The following TMEM263 variants were observed in gnomAD, a reference collection of about 807,000 sequenced individuals.
TMEM263 encodes transmembrane protein 263, also known as UPF0444 transmembrane protein C12orf23.
In TMEM263, 5 loss-of-function variants were observed where a neutral mutation model predicts 8.6. The observed-to-expected ratio is 0.58, with a 90% CI of 0.31 to 1.23. The LOEUF (loss-of-function observed/expected upper bound fraction) is 1.23. Ranked by LOEUF, TMEM263 falls within the 50% of genes most tolerant of loss-of-function variation. TMEM263 has a pLI of 0.07. For missense variants in TMEM263, 104 were observed against 138.8 expected (o/e 0.75, Z 1.26); for synonymous variants, 50 against 47.9 (o/e 1.04, Z -0.18).
chr12:106,968,571 G>C (rs973914399), intron 3 of TMEM263, among the ~76,000 whole-genome samples: 7 of 152,106 alleles, frequency 4.6e-5, no homozygotes, highest in African/African-American at 1.7e-4. Flanking sequence ...ATAAATAAAG[G>C]CCATCCAGGG....
chr12:106,971,171 G>A lies in TMEM263; in HGVS notation c.131G>A (p.Ser44Asn). ...TCCCGTGTGACTGGGGGTATCTTCAGTGTTACAAAGGGAGCTGTTGGTGCC... is the reference window on the plus strand; with the variant it reads ...TCCCGTGTGACTGGGGGTATCTTCAATGTTACAAAGGGAGCTGTTGGTGCC... ...MLSRVTGGIF[S>N]VTKGAVGATI... The change falls in exon 4 of 4, where the codon AGT becomes AAT. Residue 44 changes from serine (S) to asparagine (N), a missense_variant. By Grantham distance (46) the Ser-to-Asn change is conservative. Coordinates refer to ENST00000280756, the MANE Select transcript of TMEM263 (RefSeq NM_152261.4). 2 of 1,614,232 alleles carry A rather than the reference G, an allele frequency of 1.2e-6. No individual in the cohort carries two copies. Among genetic ancestry groups the A allele is most frequent in the Non-Finnish European group, 1.7e-6 (2 of 1,180,046 alleles).
intron 2 of TMEM263, among the ~76,000 whole-genome samples, chr12:106,963,589 ATC>A (rs1352018714): frequency 6.6e-6 from 1 of 152,152 alleles, no homozygotes; most frequent in Non-Finnish European, 1.5e-5. Context: ...TACTGTATTA[ATC>A]TCTCTGTCCT....
chr12:106,962,272 C>T (rs1951788085), intron 2 of TMEM263, among the ~76,000 whole-genome samples: 1 of 150,028 alleles, frequency 6.7e-6, no homozygotes, highest in African/African-American at 2.4e-5. Flanking sequence ...TTCTTCCAGT[C>T]TTTTTGTATG....
chr12:106,960,338 GTTT>G (rs762185401), intron 2 of TMEM263, among the ~76,000 whole-genome samples: 1 of 140,978 alleles, frequency 7.1e-6, no homozygotes, highest in African/African-American at 2.6e-5. Flanking sequence ...TCCGGCCCTT[GTTT>G]TTTTTTTTTT....
intron 2 of TMEM263, among the ~76,000 whole-genome samples, chr12:106,961,268 C>T (rs1269829823): frequency 3.5e-5 from 3 of 85,428 alleles, no homozygotes; most frequent in South Asian, 8.7e-4. Flanking sequence ...TTTGTGGAGA[C>T]GGAGTCTCAT....
intron 1 of TMEM263, 23 bp from the exon 2 acceptor site, chr12:106,957,059 A>G: frequency 1.0e-6 from 1 of 983,472 alleles, no homozygotes; most frequent in Non-Finnish European, 1.2e-6. Flanking sequence ...ATATGTGATT[A>G]TTTGCTGTAT....
intron 3 of TMEM263, among the ~76,000 whole-genome samples, chr12:106,970,647 T>G (rs1951907563): frequency 6.6e-6 from 1 of 152,258 alleles, no homozygotes; most frequent in Non-Finnish European, 1.5e-5. Context: ...CTTCGGCATC[T>G]GTAGTGGTCC....
intron 3 of TMEM263, among the ~76,000 whole-genome samples, chr12:106,967,766 A>C (rs1462015746): frequency 6.6e-6 from 1 of 152,178 alleles, no homozygotes; most frequent in Non-Finnish European, 1.5e-5. Context: ...TTTCATTTGT[A>C]AAGGGTGAGG....
intron 1 of TMEM263, 73 bp from the exon 2 acceptor site, chr12:106,957,009 C>T: frequency 1.1e-6 from 1 of 904,778 alleles, no homozygotes; most frequent in African/African-American, 1.8e-5. Flanking sequence ...TTTTTGCGTC[C>T]TTGTGAACAC....
At chr12:106,965,572 C>CTCCA (rs1441698524) in intron 2 of TMEM263, among the ~76,000 whole-genome samples, 1 of 150,450 alleles carries the variant, frequency 6.6e-6, no homozygotes, top group African/African-American at 2.5e-5. Context: ...CACCACTGCA[C>CTCCA]TCCAGCCTGG....
chr12:106,961,035 C>CGTCCT lies in TMEM263; in HGVS notation c.-7+3912_-7+3916dup, dbSNP rs11276890. Among the ~76,000 whole-genome samples, 298 of 151,466 alleles carry CGTCCT rather than the reference C, an allele frequency of 2.0e-3. 2 individuals are homozygous for CGTCCT. In the South Asian group the frequency reaches 0.024, roughly 12 times the overall value. ...CGCTTCTTTTCTCCTCTCTTCTCTT[C>CGTCCT]GTCCTGTCCTGTCCTGTCCTGTCCT... On this transcript the variant is annotated intron_variant, in intron 2 of 3. Transcript: ENST00000280756.
intron 2 of TMEM263, among the ~76,000 whole-genome samples, chr12:106,961,253 TTTTTTTTG>T: frequency 9.2e-6 from 1 of 108,892 alleles, no homozygotes; most frequent in African/African-American, 3.4e-5. Context: ...TTTTTTTTTT[TTTTTTTTG>T]TGGAGACGGA....
chr12:106,965,302 A>G (rs1375973995), intron 2 of TMEM263, among the ~76,000 whole-genome samples: 1 of 152,038 alleles, frequency 6.6e-6, no homozygotes, highest in Non-Finnish European at 1.5e-5. Context: ...CTAAAATATC[A>G]TATCCTCTCC....
chr12:106,961,061 G>GTCCTC, intron 2 of TMEM263, among the ~76,000 whole-genome samples: 1 of 141,584 alleles, frequency 7.1e-6, no homozygotes, highest in Non-Finnish European at 1.5e-5. Flanking sequence ...GTCCTGTCCT[G>GTCCTC]TCCTATCGTT....
rs191639758 is a variant in TMEM263, at chr12:106,969,352, G to A, written c.65-1753G>A. 2.2e-4 allele frequency among the ~76,000 whole-genome samples: 33 copies of A among 152,294 alleles called. No homozygotes were observed. The East Asian group carries it at 5.2e-3, about 24-fold the overall frequency. ...TTTACCCCTCTTTTTCAGAAGTAAA[G>A]CTTGAATTGTGTAAGTACCAAATAT... On this transcript the variant is annotated intron_variant, in intron 3 of 3. Coordinates refer to ENST00000280756, the MANE Select transcript of TMEM263 (RefSeq NM_152261.4).
chr12:106,967,154 C>A lies in TMEM263; in HGVS notation c.38C>A (p.Ser13Ter). 1 of 1,598,688 alleles carries A rather than the reference C, an allele frequency of 6.3e-7. No homozygotes were observed. The highest frequency in any genetic ancestry group is 1.1e-5 in the South Asian group (1 of 88,042). ...GATAAAAATCAACAAGAAATCCCAT[C>A]ATACCTTAATGATGAACCACCAGAA... ...QTDKNQQEIPSYLNDEPPEGS... is the reference protein window; with the variant it reads ...QTDKNQQEIP The change falls in exon 3 of 4, where the codon TCA (serine) becomes TAA (stop). Residue 13 changes from serine (S) to a stop codon, truncating the protein, a stop_gained. Coordinates refer to ENST00000280756, the MANE Select transcript of TMEM263 (RefSeq NM_152261.4). LOFTEE classifies it high-confidence loss of function.
intron 1 of TMEM263, among the ~76,000 whole-genome samples, chr12:106,956,330 G>A (rs1219477223): frequency 2.0e-5 from 3 of 152,128 alleles, no homozygotes; most frequent in Admixed American, 2.0e-4. Context: ...GAAAGCCTCC[G>A]CCTGACTTCT....
rs1951921211 is a variant in TMEM263, at chr12:106,971,471, C to G, written c.*80C>G. On this transcript the variant is annotated 3_prime_UTR_variant, in exon 4 of 4. Coordinates refer to ENST00000280756, the MANE Select transcript of TMEM263 (RefSeq NM_152261.4). ...GCTAAATTATGGACTACAACCAAGTCAACTGTTTTGGACGTTTATCTTCTA... is the reference window on the plus strand; with the variant it reads ...GCTAAATTATGGACTACAACCAAGTGAACTGTTTTGGACGTTTATCTTCTA... 1 of 1,416,656 alleles carries G rather than the reference C, an allele frequency of 7.1e-7. No individual in the cohort carries two copies. The highest frequency in any genetic ancestry group is 9.5e-7 in the Non-Finnish European group (1 of 1,053,448). 87.8% of individuals were successfully genotyped at this position (1,416,656 alleles called of 1,614,324 possible).
At chr12:106,958,296 TG>T (rs1432994214) in intron 2 of TMEM263, among the ~76,000 whole-genome samples, 4 of 152,220 alleles carry the variant, frequency 2.6e-5, no homozygotes, top group Non-Finnish European at 5.9e-5. Context: ...GTACTGTTTT[TG>T]GAATTTTTTA....
Sources: allele counts gnomAD v4.1 joint callset (sites outside exome capture counted in the v4.1 genomes callset), GRCh38; gene constraint gnomAD v4.1.1; transcripts MANE v1.5; gene names NCBI Gene and HGNC (gene_info 2026-07-23, HGNC 2026-07-21).